The following PCDHA4 variants were observed in gnomAD, a reference collection of about 807,000 sequenced individuals.
PCDHA4 encodes the protein protocadherin alpha-4.
Under a neutral mutation model 61.4 loss-of-function variants are expected in PCDHA4, and 49 were observed. The ratio of observed to expected loss-of-function variants is 0.80; its 90% CI spans 0.63 to 1.01. The LOEUF (loss-of-function observed/expected upper bound fraction) is 1.01, where lower values mean the gene tolerates loss of function less well. PCDHA4 is among the 50% of genes least tolerant of loss of function. The probability of loss-of-function intolerance (pLI) is 0.00; values close to 1 mark genes in which losing one functional copy is unlikely to be tolerated. For missense variants in PCDHA4, 1,254 were observed against 1,235.8 expected (o/e 1.01, Z -0.22); for synonymous variants, 590 against 550.3 (o/e 1.07, Z -1.01).
chr5:140,976,354 C>A (rs1331334402), intron 1 of PCDHA4, among the ~76,000 whole-genome samples: 2 of 151,960 alleles, frequency 1.3e-5, no homozygotes, highest in Non-Finnish European at 2.9e-5. Context: ...TGTTCAAGAC[C>A]AGCCTGGCCA....
intron 1 of PCDHA4, chr5:140,813,324 A>G (rs2126645651): frequency 6.6e-6 from 1 of 152,344 alleles, no homozygotes; most frequent in African/African-American, 2.4e-5. Flanking sequence ...ATGAGAGTGT[A>G]CTTACATATT....
chr5:140,809,916 T>C (rs1444779930), intron 1 of PCDHA4: 1 of 176,006 alleles, frequency 5.7e-6, no homozygotes, highest in Non-Finnish European at 1.2e-5. Flanking sequence ...GCTGAAATAA[T>C]AAAGCTCCAT....
In PCDHA4 at chr5:140,915,928, T is replaced by C. The variant is rs141949892; in HGVS notation, c.2386-63021T>C. ...CAGGCCCAGAGATGCTACTTGGGAG[T>C]CAGGGATTGGAGTCAAAATACTTAG... On this transcript the variant is annotated intron_variant, in intron 1 of 3. Coordinates refer to ENST00000530339, the MANE Select transcript of PCDHA4 (RefSeq NM_018907.4). Among the ~76,000 whole-genome samples the C allele has an allele frequency of 8.0e-3, 1,213 of 151,944 alleles. 5 individuals carry two copies. The highest frequency in any genetic ancestry group is 0.019 in the African/African-American group (783 of 41,424).
At position 140,979,295 on chromosome 5, in the gene PCDHA4, C is replaced by A. The variant is rs180999093; in HGVS notation, c.2444+288C>A. Among the ~76,000 whole-genome samples, 27 of 152,270 alleles carry A rather than the reference C, an allele frequency of 1.8e-4. 1 individual carries two copies. The highest frequency in any genetic ancestry group is 4.1e-4 in the African/African-American group (17 of 41,558). ...TTCTACAGGGAAGTAATTTCAACCT[C>A]CTTCATCCCTCTCTACCTATGCTTT... On this transcript the variant is annotated intron_variant, in intron 2 of 3. Coordinates refer to ENST00000530339, the MANE Select transcript of PCDHA4 (RefSeq NM_018907.4).
intron 1 of PCDHA4, chr5:140,883,938 A>C (rs782647232): frequency 6.2e-7 from 1 of 1,613,360 alleles, no homozygotes; most frequent in East Asian, 2.2e-5. Context: ...TTCGTGCTGG[A>C]CGAGAACGAC....
At chr5:140,900,538 A>G (rs1341812228) in intron 1 of PCDHA4, among the ~76,000 whole-genome samples, 1 of 152,162 alleles carries the variant, frequency 6.6e-6, no homozygotes, top group Non-Finnish European at 1.5e-5. Context: ...CGGCTTTCCA[A>G]AGTGCTGGGA....
intron 1 of PCDHA4, among the ~76,000 whole-genome samples, chr5:140,899,664 G>A (rs1263525075): frequency 2.0e-5 from 3 of 152,126 alleles, no homozygotes; most frequent in African/African-American, 4.8e-5. Context: ...GTCTCTGCCC[G>A]GCTTTGGTAT....
chr5:140,882,094 C>T, intron 1 of PCDHA4: 1 of 1,172,684 alleles, frequency 8.5e-7, no homozygotes, highest in Non-Finnish European at 1.2e-6. Context: ...TCACTGAGAA[C>T]GTTTCCGCGA....
At chr5:140,830,150 G>GTTT (rs1770856321) in intron 1 of PCDHA4, 1 of 1,613,300 alleles carries the variant, frequency 6.2e-7, no homozygotes, top group East Asian at 2.2e-5. Context: ...GGTGGGCGCC[G>GTTT]CGGGCCCAGA....
chr5:140,900,693 T>A (rs1223398418), intron 1 of PCDHA4, among the ~76,000 whole-genome samples: 1 of 152,242 alleles, frequency 6.6e-6, no homozygotes, highest in African/African-American at 2.4e-5. Flanking sequence ...TATACTGATT[T>A]CCGTTCTTTT....
rs957445106 is a variant in PCDHA4, at chr5:140,980,862, G to A, written c.2445-1613G>A. Among the ~76,000 whole-genome samples the A allele has an allele frequency of 5.1e-4, 77 of 152,202 alleles. 2 individuals are homozygous for A. Among genetic ancestry groups the A allele is most frequent in the African/African-American group, 1.7e-3 (72 of 41,546 alleles). ...AATAATACTAATCTTTTTCGTATGT[G>A]TGCTTGGGTGTTCTCGGTCTTTCCA... On this transcript the variant is annotated intron_variant, in intron 2 of 3. Coordinates refer to ENST00000530339, the MANE Select transcript of PCDHA4 (RefSeq NM_018907.4).
chr5:140,865,608 A>G (rs915675853), intron 1 of PCDHA4: 4 of 152,202 alleles, frequency 2.6e-5, no homozygotes, highest in Non-Finnish European at 5.9e-5. Context: ...CAGTTTATTA[A>G]TATATTTGTT....
At chr5:140,967,870 G>T in intron 1 of PCDHA4, 1 of 1,614,152 alleles carries the variant, frequency 6.2e-7, no homozygotes, top group Non-Finnish European at 8.5e-7. Flanking sequence ...TGGTGCTCAC[G>T]GACCTGTATA....
In PCDHA4 at chr5:140,808,841, C is replaced by A. The variant is rs1554124838; in HGVS notation, c.1654C>A (p.Gln552Lys). ...VPPLGSNVTL[Q>K]VFVLDENDNA... is the part of the protein sequence containing the mutation. ...ACCTCTGGGCAGCAACGTGACGCTG[C>A]AGGTGTTCGTGCTGGACGAAAACGA... The change falls in exon 1 of 4, where the codon CAG (glutamine) becomes AAG (lysine). Residue 552 changes from glutamine (Q) to lysine (K), a missense_variant. Gln to Lys is a moderately conservative substitution (Grantham distance 53, BLOSUM62 1). Coordinates refer to ENST00000530339, the MANE Select transcript of PCDHA4 (RefSeq NM_018907.4). 2 of 1,613,098 alleles carry A rather than the reference C, an allele frequency of 1.2e-6. No homozygotes were observed. The highest frequency in any genetic ancestry group is 1.1e-5 in the South Asian group (1 of 91,072).
chr5:140,838,485 T>C (rs1233460301), intron 1 of PCDHA4, among the ~76,000 whole-genome samples: 2 of 151,892 alleles, frequency 1.3e-5, no homozygotes, highest in Non-Finnish European at 2.9e-5. Flanking sequence ...TGTTTTTGAT[T>C]ATTTGCTTTC....
chr5:141,008,329 T>C (rs2098370202), intron 3 of PCDHA4, among the ~76,000 whole-genome samples: 1 of 152,192 alleles, frequency 6.6e-6, no homozygotes, highest in Non-Finnish European at 1.5e-5. Context: ...AAACAGTTTA[T>C]TTGATGGAGC....
chr5:140,821,905 G>T (rs2150111828), intron 1 of PCDHA4: 1 of 1,614,238 alleles, frequency 6.2e-7, no homozygotes, highest in Non-Finnish European at 8.5e-7. Flanking sequence ...CGGAACCTTC[G>T]TTGGCCGCAT....
chr5:140,945,124 C>T (rs269553), intron 1 of PCDHA4, among the ~76,000 whole-genome samples: 48,193 of 151,846 alleles, frequency 0.32, 7,977 homozygotes, highest in East Asian at 0.53. Flanking sequence ...AAAAAATCAA[C>T]TTACAAAAAT....
intron 3 of PCDHA4, among the ~76,000 whole-genome samples, chr5:140,988,622 A>G (rs192744779): frequency 6.6e-6 from 1 of 152,242 alleles, no homozygotes; most frequent in East Asian, 1.9e-4. Flanking sequence ...TAGAATGGAG[A>G]TGTCCTGGTT....
Sources: allele counts gnomAD v4.1 joint callset (sites outside exome capture counted in the v4.1 genomes callset), GRCh38; gene constraint gnomAD v4.1.1; transcripts MANE v1.5; gene names NCBI Gene and HGNC (gene_info 2026-07-23, HGNC 2026-07-21).